ANAPC10: variants seen among roughly 807,000 people sequenced by gnomAD.
ANAPC10 encodes the protein anaphase-promoting complex subunit 10.
Under a neutral mutation model 22.0 loss-of-function variants are expected in ANAPC10, and 12 were observed. The observed-to-expected ratio is 0.55, with a 90% CI of 0.35 to 0.88. The LOEUF (loss-of-function observed/expected upper bound fraction) is 0.88, where lower values mean the gene tolerates loss of function less well. ANAPC10 is among the 40% of genes least tolerant of loss of function. The pLI, the probability that ANAPC10 is intolerant of heterozygous loss-of-function variation, is 0.01. For synonymous variants in ANAPC10, 65 were observed against 69.5 expected (o/e 0.94, Z 0.32); for missense variants, 188 against 220.9 (o/e 0.85, Z 0.94).
intron 4 of ANAPC10, among the ~76,000 whole-genome samples, chr4:145,053,144 T>C (rs988268424): frequency 6.6e-6 from 1 of 152,286 alleles, no homozygotes; most frequent in Non-Finnish European, 1.5e-5. Context: ...TGGCAAAGAA[T>C]GGGAACTTAG....
chr4:145,082,968 C>T (rs1746293227), intron 2 of ANAPC10, among the ~76,000 whole-genome samples: 1 of 152,156 alleles, frequency 6.6e-6, no homozygotes, highest in Non-Finnish European at 1.5e-5. Context: ...CAGTTTATTG[C>T]ATGCCCTTTC....
intron 4 of ANAPC10, among the ~76,000 whole-genome samples, chr4:145,045,057 C>T (rs1009614459): frequency 2.0e-5 from 3 of 151,740 alleles, no homozygotes; most frequent in African/African-American, 7.3e-5. Context: ...TAAGATTTCT[C>T]CCAAGATGCA....
intron 4 of ANAPC10, chr4:145,033,114 T>C (rs1235137214): frequency 1.3e-5 from 2 of 152,202 alleles, no homozygotes; most frequent in Non-Finnish European, 1.5e-5. Flanking sequence ...ACAATCACAA[T>C]GCCAACTAGA....
intron 4 of ANAPC10, among the ~76,000 whole-genome samples, chr4:145,018,529 T>G (rs1266310539): frequency 6.6e-6 from 1 of 151,808 alleles, no homozygotes; most frequent in Admixed American, 6.6e-5. Flanking sequence ...TCCCAACTAC[T>G]TAGGAGGCTG....
chr4:145,052,998 T>A (rs1269526552), intron 4 of ANAPC10, among the ~76,000 whole-genome samples: 1 of 152,076 alleles, frequency 6.6e-6, no homozygotes, highest in Non-Finnish European at 1.5e-5. Flanking sequence ...CAGTGTACTA[T>A]AAATACTATT....
At position 145,002,502 on chromosome 4, in the gene ANAPC10, A is replaced by G. The variant is rs1732724794; in HGVS notation, c.328-6899T>C. Among the ~76,000 whole-genome samples the G allele has an allele frequency of 1.3e-5, 2 of 152,168 alleles. 1 individual carries two copies. The highest frequency in any genetic ancestry group is 4.1e-4 in the South Asian group (2 of 4,830). On this transcript the variant is annotated intron_variant, in intron 4 of 4. Coordinates refer to ENST00000507656, the MANE Select transcript of ANAPC10 (RefSeq NM_001256706.2). The stretch of plus-strand genomic sequence containing the variant: ...TTCTATACAGAGAAACTGCTCCAGA[A>G]GTCGTCCCTGGAGAGTTAAGATTAT...
intron 3 of ANAPC10, among the ~76,000 whole-genome samples, chr4:145,069,437 A>G (rs1307596144): frequency 2.0e-5 from 3 of 152,250 alleles, no homozygotes; most frequent in Non-Finnish European, 4.4e-5. Context: ...TCACAAGGAT[A>G]GGCAAAGAAC....
chr4:145,093,131 G>A (rs113738018), intron 2 of ANAPC10, among the ~76,000 whole-genome samples: 51 of 152,276 alleles, frequency 3.3e-4, no homozygotes, highest in African/African-American at 1.2e-3. Context: ...CAAGAGCATG[G>A]CAAGAGGCAC....
intron 4 of ANAPC10, among the ~76,000 whole-genome samples, chr4:145,003,821 A>G (rs1732943986): frequency 6.6e-6 from 1 of 152,004 alleles, no homozygotes; most frequent in Non-Finnish European, 1.5e-5. Context: ...TTGGCTATTT[A>G]AGCTCTTTTT....
At chr4:145,012,551 T>C (rs1408753162) in intron 4 of ANAPC10, among the ~76,000 whole-genome samples, 3 of 152,096 alleles carry the variant, frequency 2.0e-5, no homozygotes, top group South Asian at 2.1e-4. Flanking sequence ...AGATTATACA[T>C]ACATCATAAG....
chr4:145,007,598 A>C (rs1733593758), intron 4 of ANAPC10, among the ~76,000 whole-genome samples: 1 of 152,216 alleles, frequency 6.6e-6, no homozygotes, highest in African/African-American at 2.4e-5. Context: ...AACGAAATGA[A>C]AGCAGAAATA....
chr4:145,026,987 ATTTTTTTTTTTTTTTT>A (rs1186853327), intron 4 of ANAPC10, among the ~76,000 whole-genome samples: 2 of 15,366 alleles, frequency 1.3e-4, no homozygotes, highest in African/African-American at 2.3e-4. Context: ...ATATATATAT[ATTTTTTTTTTTTTTTT>A]TTTTTTTTTT....
intron 4 of ANAPC10, among the ~76,000 whole-genome samples, chr4:145,042,763 T>C (rs553512203): frequency 6.6e-5 from 10 of 152,010 alleles, no homozygotes; most frequent in Non-Finnish European, 1.5e-4. Flanking sequence ...CAGCAGACAC[T>C]GATGTTCACA....
Position 145,022,676 on chromosome 4 carries a change from T to C in ANAPC10, c.328-27073A>G, listed in dbSNP as rs1736121478. Among the ~76,000 whole-genome samples the C allele has an allele frequency of 1.3e-5, 2 of 151,808 alleles. 1 individual carries two copies. Among genetic ancestry groups the C allele is most frequent in the South Asian group, 4.2e-4 (2 of 4,812 alleles). ...AAAATTTTTTTTTAATTAAAAAGCA[T>C]ATATAGGCATTCATATATAGAACTT... On this transcript the variant is annotated intron_variant, in intron 4 of 4. Transcript: ENST00000507656.
rs190357898 is a variant in ANAPC10 at position 144,995,564 on chromosome 4, G to C, written c.367C>G (p.Pro123Ala). 3,045 of 1,613,156 alleles carry C rather than the reference G, an allele frequency of 1.9e-3. 3 individuals carry two copies. The highest frequency in any genetic ancestry group is 2.3e-3 in the Non-Finnish European group (2,682 of 1,179,684). The stretch of plus-strand genomic sequence containing the variant: ...GGCTTCTTATGATTGTCAGTTAAGG[G>C]AACATGAATCCAGCCACTTGGTTCC... ...LVEPSGWIHV[P>A]LTDNHKKPTR... Residue 123 changes from proline to alanine, a missense_variant, in exon 5 of 5, where the codon CCC becomes GCC. Transcript: ENST00000507656.
At chr4:145,021,094 A>G (rs1560832962) in intron 4 of ANAPC10, among the ~76,000 whole-genome samples, 1 of 152,136 alleles carries the variant, frequency 6.6e-6, no homozygotes, top group East Asian at 1.9e-4. Flanking sequence ...GAAAATGACC[A>G]TACCACCAAA....
chr4:145,097,011 G>C (rs1445178291), intron 1 of ANAPC10, among the ~76,000 whole-genome samples: 1 of 152,104 alleles, frequency 6.6e-6, no homozygotes, highest in Non-Finnish European at 1.5e-5. Flanking sequence ...AGGAGTTCGA[G>C]ACCAGCCTGG....
At chr4:145,073,896 T>C (rs1560912584) in intron 3 of ANAPC10, among the ~76,000 whole-genome samples, 1 of 151,966 alleles carries the variant, frequency 6.6e-6, no homozygotes, top group African/African-American at 2.4e-5. Context: ...GAAATTTTGA[T>C]GAAGGCAGAT....
At chr4:145,075,135 A>G (rs1745011380) in intron 3 of ANAPC10, among the ~76,000 whole-genome samples, 2 of 152,134 alleles carry the variant, frequency 1.3e-5, no homozygotes, top group South Asian at 4.1e-4. Flanking sequence ...TTCTGTGCTT[A>G]CCTTATTGCA....
Sources: allele counts gnomAD v4.1 joint callset (sites outside exome capture counted in the v4.1 genomes callset), GRCh38; gene constraint gnomAD v4.1.1; transcripts MANE v1.5; gene names NCBI Gene and HGNC (gene_info 2026-07-23, HGNC 2026-07-21).